Variants in OPCML observed in about 807,000 individuals in gnomAD.
OPCML encodes opioid-binding protein/cell adhesion molecule.
A neutral mutation model predicts 37.8 loss-of-function variants in OPCML; 13 were observed. The observed-to-expected ratio is 0.34, with a 90% CI of 0.22 to 0.55. The LOEUF is 0.55. Among genes scored for constraint, OPCML ranks in the 20% least tolerant of loss-of-function variants. The pLI, the probability that OPCML is intolerant of heterozygous loss-of-function variation, is 0.91. For missense variants in OPCML, 341 were observed against 435.6 expected (o/e 0.78, Z 1.93); for synonymous variants, 176 against 168.8 (o/e 1.04, Z -0.33).
intron 1 of OPCML, among the ~76,000 whole-genome samples, chr11:133,305,289 C>G (rs540614474): frequency 6.6e-6 from 1 of 152,210 alleles, no homozygotes; most frequent in East Asian, 1.9e-4. Flanking sequence ...CCCCTGTACC[C>G]CTCTCCAAGG....
chr11:132,728,599 C>G (rs553679500), intron 2 of OPCML, among the ~76,000 whole-genome samples: 1 of 152,270 alleles, frequency 6.6e-6, no homozygotes, highest in Admixed American at 6.5e-5. Flanking sequence ...TACTTCAACA[C>G]AGCCTCCATG....
At chr11:133,510,886 T>TAA (rs1948141716) in intron 1 of OPCML, among the ~76,000 whole-genome samples, 3 of 145,294 alleles carry the variant, frequency 2.1e-5, no homozygotes, top group African/African-American at 8.2e-5. Context: ...GCCAGCCACA[T>TAA]ACACACACAC....
chr11:133,232,241 A>T (rs1289732494), intron 1 of OPCML, among the ~76,000 whole-genome samples: 2 of 152,192 alleles, frequency 1.3e-5, no homozygotes, highest in East Asian at 3.9e-4. Context: ...CTTGGTTCTC[A>T]AGGAAAAAAG....
intron 1 of OPCML, among the ~76,000 whole-genome samples, chr11:133,507,422 A>G (rs891325416): frequency 6.6e-6 from 1 of 152,204 alleles, no homozygotes; most frequent in Non-Finnish European, 1.5e-5. Flanking sequence ...CATCTACTGC[A>G]GTCTTCTTTT....
At chr11:133,422,126 C>G (rs755857050) in intron 1 of OPCML, 90 of 981,984 alleles carry the variant, frequency 9.2e-5, no homozygotes, top group Admixed American at 1.2e-4. Flanking sequence ...TAGCCCCCCA[C>G]CCCCTGGCAG....
intron 4 of OPCML, among the ~76,000 whole-genome samples, chr11:132,447,372 C>A (rs2096058152): frequency 6.6e-6 from 1 of 152,148 alleles, no homozygotes; most frequent in Non-Finnish European, 1.5e-5. Flanking sequence ...AATCTTGGCT[C>A]ACTGCAACCT....
intron 1 of OPCML, among the ~76,000 whole-genome samples, chr11:133,511,107 A>C (rs1273186276): frequency 1.3e-5 from 2 of 152,120 alleles, no homozygotes; most frequent in Non-Finnish European, 2.9e-5. Context: ...TCCTCCGTGA[A>C]TCCACTCTCT....
chr11:133,458,821 ACGTGTGTGTGTATATACACATAGATG>A lies in OPCML; in HGVS notation c.61+73417_61+73442del, dbSNP rs1478599732. 1.5e-4 allele frequency among the ~76,000 whole-genome samples: 22 copies of A among 151,200 alleles called. 1 individual carries two copies. Among genetic ancestry groups the A allele is most frequent in the African/African-American group, 5.1e-4 (21 of 40,954 alleles). ...TGTGTGTGTATATACACATAGATGC[ACGTGTGTGTGTATATACACATAGATG>A]CACGTGTGTGTGTATATATACACAC... On this transcript the variant is annotated intron_variant, in intron 1 of 7. Coordinates refer to ENST00000524381, the MANE Select transcript of OPCML (RefSeq NM_001012393.5).
intron 2 of OPCML, among the ~76,000 whole-genome samples, chr11:132,924,941 A>G (rs1463089684): frequency 6.6e-6 from 1 of 151,720 alleles, no homozygotes; most frequent in African/African-American, 2.4e-5. Flanking sequence ...CAGTTCTTAG[A>G]TTTTCTGTTC....
chr11:133,303,278 A>T (rs2136570818), intron 1 of OPCML, among the ~76,000 whole-genome samples: 1 of 152,320 alleles, frequency 6.6e-6, no homozygotes, highest in Non-Finnish European at 1.5e-5. Context: ...ATAAGGGAAG[A>T]GCAGCACTTC....
At chr11:132,552,588 C>A (rs12276825) in intron 3 of OPCML, among the ~76,000 whole-genome samples, 33,930 of 151,868 alleles carry the variant, frequency 0.22, 4,758 homozygotes, top group Middle Eastern at 0.34. Flanking sequence ...ATGGAGATAA[C>A]CTTCAGTATT....
intron 1 of OPCML, among the ~76,000 whole-genome samples, chr11:133,339,414 C>T (rs1019324762): frequency 1.1e-4 from 17 of 152,220 alleles, no homozygotes; most frequent in African/African-American, 3.9e-4. Context: ...AGCCCATGCT[C>T]TTAGCCACTC....
At chr11:133,047,259 C>T (rs143100221) in intron 1 of OPCML, among the ~76,000 whole-genome samples, 42 of 152,324 alleles carry the variant, frequency 2.8e-4, no homozygotes, top group Non-Finnish European at 2.9e-4. Context: ...GTTGGCAGGA[C>T]AAGATAGAGC....
Position 133,408,603 on chromosome 11 carries a change from T to C in OPCML, c.61+123661A>G, listed in dbSNP as rs1010499231. 8.5e-5 allele frequency among the ~76,000 whole-genome samples: 13 copies of C among 152,172 alleles called. 1 individual carries two copies. The highest frequency in any genetic ancestry group is 1.8e-4 in the Non-Finnish European group (12 of 68,020). ...CAGGGCGCCAGGTGGGAGTCAGTCC[T>C]GGACACGACACCACCCAGAGGCAGG... On this transcript the variant is annotated intron_variant, in intron 1 of 7. Coordinates refer to ENST00000524381, the MANE Select transcript of OPCML (RefSeq NM_001012393.5).
chr11:133,156,390 G>T (rs1453562942), intron 1 of OPCML, among the ~76,000 whole-genome samples: 1 of 152,126 alleles, frequency 6.6e-6, no homozygotes, highest in African/African-American at 2.4e-5. Context: ...CAGTTTTACC[G>T]CCACTGTCTG....
chr11:132,605,932 G>C (rs561143475), intron 3 of OPCML, among the ~76,000 whole-genome samples: 1 of 152,330 alleles, frequency 6.6e-6, no homozygotes, highest in East Asian at 1.9e-4. Flanking sequence ...CTTCCTTTCA[G>C]CTCTGGTTAG....
intron 1 of OPCML, among the ~76,000 whole-genome samples, chr11:133,232,507 G>A (rs1206588105): frequency 6.6e-6 from 1 of 152,030 alleles, no homozygotes; most frequent in Non-Finnish European, 1.5e-5. Flanking sequence ...AGGACTTGGA[G>A]TAAAGTGAAG....
chr11:132,532,547 A>G (rs2096328601), intron 3 of OPCML, among the ~76,000 whole-genome samples: 1 of 152,146 alleles, frequency 6.6e-6, no homozygotes, highest in South Asian at 2.1e-4. Flanking sequence ...AGATAAATGG[A>G]TCAAAATTAC....
intron 2 of OPCML, among the ~76,000 whole-genome samples, chr11:132,807,176 G>A (rs1318667007): frequency 3.9e-5 from 6 of 152,016 alleles, no homozygotes; most frequent in Admixed American, 3.3e-4. Flanking sequence ...AAACATAAGA[G>A]CAAAACCCAA....
Sources: gnomAD v4.1 joint callset for allele counts (sites outside exome capture counted in the v4.1 genomes callset) on GRCh38, gnomAD v4.1.1 for gene constraint, MANE v1.5 for transcripts, NCBI Gene and HGNC (gene_info 2026-07-23, HGNC 2026-07-21) for gene names.